Variants in BTBD9 observed in about 807,000 individuals in gnomAD.
BTBD9 encodes BTB/POZ domain-containing protein 9.
A neutral mutation model predicts 64.3 loss-of-function variants in BTBD9; 49 were observed. That is an observed-to-expected ratio of 0.76 (90% CI 0.61 to 0.97). The LOEUF (loss-of-function observed/expected upper bound fraction) is 0.97. Ranked by LOEUF, BTBD9 falls within the 50% of genes least tolerant of loss-of-function variation. BTBD9 has a pLI of 0.00. For synonymous variants in BTBD9, 260 were observed against 274.7 expected, an observed-to-expected ratio of 0.95 and a Z score of 0.53; for missense variants, 598 against 762.1, an observed-to-expected ratio of 0.78 and a Z score of 2.53.
At chr6:38,579,572 T>C (rs937788339) in intron 5 of BTBD9, among the ~76,000 whole-genome samples, 2 of 152,210 alleles carry the variant, frequency 1.3e-5, no homozygotes, top group African/African-American at 4.8e-5. Flanking sequence ...AAACTGGAGT[T>C]CATTAAACTT....
Position 38,597,873 on chromosome 6 carries a change from G to C in BTBD9, c.185+37C>G, listed in dbSNP as rs777150042. 1.8e-5 allele frequency: 28 copies of C among 1,579,590 alleles called. No individual in the cohort carries two copies. The African/African-American group carries it at 3.7e-4, about 21-fold the overall frequency. ...CAGAAAATACCAGTGTTTTCTACAAGTGAACTAAATTTTCAAAAAAAGTAT... is the reference window on the plus strand; with the variant it reads ...CAGAAAATACCAGTGTTTTCTACAACTGAACTAAATTTTCAAAAAAAGTAT... On this transcript the variant is annotated intron_variant, in intron 2 of 10. Transcript: ENST00000481247.
intron 9 of BTBD9, among the ~76,000 whole-genome samples, chr6:38,254,233 T>A (rs1764498997): frequency 6.6e-6 from 1 of 151,746 alleles, no homozygotes; most frequent in Admixed American, 6.6e-5. Flanking sequence ...ACACACTGAC[T>A]GTCCCATGAC....
chr6:38,389,690 A>G (rs768174223), intron 6 of BTBD9, among the ~76,000 whole-genome samples: 1 of 152,248 alleles, frequency 6.6e-6, no homozygotes, highest in Non-Finnish European at 1.5e-5. Context: ...CAAGAAGACT[A>G]GCTTACGTGA....
intron 6 of BTBD9, among the ~76,000 whole-genome samples, chr6:38,382,081 C>T (rs1765958488): frequency 6.6e-6 from 1 of 152,068 alleles, no homozygotes; most frequent in East Asian, 1.9e-4. Flanking sequence ...AATTATGGAA[C>T]CTAATTAAAA....
chr6:38,290,527 C>A (rs1646693182), intron 7 of BTBD9, among the ~76,000 whole-genome samples: 1 of 152,054 alleles, frequency 6.6e-6, no homozygotes, highest in African/African-American at 2.4e-5. Context: ...CTTAACATAG[C>A]ACACATTTAT....
In BTBD9 at chr6:38,288,144, C is replaced by T. The variant is rs190458073; in HGVS notation, c.1454+128G>A. 738 of 1,031,926 alleles carry T rather than the reference C, an allele frequency of 7.2e-4. 6 individuals are homozygous for T. The African/African-American group carries it at 0.011, about 15-fold the overall frequency. The allele number at this position is 1,031,926 out of a possible 1,614,324, so 63.9% of individuals were successfully genotyped here. A position where few individuals can be genotyped will look rare whatever the true frequency, so the allele number is the denominator to read the frequency against. Reference sequence around the variant, plus strand: ...CCCTTCCTTCGGCTCCCACTCCTTTCTTGATACTTAGAGCAAAGAACAGTA... The same window carrying T: ...CCCTTCCTTCGGCTCCCACTCCTTTTTTGATACTTAGAGCAAAGAACAGTA... On this transcript the variant is annotated intron_variant, in intron 8 of 10. Transcript: ENST00000481247.
intron 9 of BTBD9, among the ~76,000 whole-genome samples, chr6:38,248,417 G>C (rs1167661833): frequency 1.3e-5 from 2 of 152,140 alleles, no homozygotes. Flanking sequence ...TGTTTGCGAG[G>C]GGCACAGTTT....
At chr6:38,585,125 C>A (rs1224587099) in intron 4 of BTBD9, among the ~76,000 whole-genome samples, 2 of 152,024 alleles carry the variant, frequency 1.3e-5, no homozygotes, top group Admixed American at 1.3e-4. Flanking sequence ...CCGAGCTCAC[C>A]ATCTCAGGAG....
intron 6 of BTBD9, among the ~76,000 whole-genome samples, chr6:38,375,935 G>GAAAT (rs1476323415): frequency 1.0e-5 from 1 of 98,464 alleles, no homozygotes; most frequent in African/African-American, 4.8e-5. Flanking sequence ...AAGAAAGAAA[G>GAAAT]AAAGAAGGAA....
At chr6:38,589,298 C>T (rs537533470) in intron 4 of BTBD9, among the ~76,000 whole-genome samples, 1 of 152,256 alleles carries the variant, frequency 6.6e-6, no homozygotes, top group South Asian at 2.1e-4. Context: ...TTGATCAATT[C>T]CAAACTACCA....
At chr6:38,179,444 C>G (rs1202196013) in intron 10 of BTBD9, 1 of 456,642 alleles carries the variant, frequency 2.2e-6, no homozygotes, top group Non-Finnish European at 4.4e-6. Flanking sequence ...TGCGGTGCTA[C>G]AGAAGGTGGC....
intron 6 of BTBD9, among the ~76,000 whole-genome samples, chr6:38,543,686 G>A (rs747396244): frequency 3.9e-5 from 6 of 152,212 alleles, no homozygotes; most frequent in African/African-American, 1.4e-4. Flanking sequence ...CGCCGGGCGC[G>A]GTGGCTCACG....
In BTBD9 at chr6:38,592,818, A is replaced by G. The variant is rs1334623846; in HGVS notation, c.572T>C (p.Leu191Ser). ...TTCGGGAGCTGCAAATGAGTCTCTT[A>G]ACACGATGTTTAAAAGTGCTGTCTG... is the stretch of plus-strand genomic sequence containing the variant. The part of the protein sequence containing the change: ...LSKTALLNIV[L>S]RDSFAAPEKD... The change falls in exon 4 of 11, where the codon TTA (leucine) becomes TCA (serine). Residue 191 changes from leucine (L) to serine (S), a missense_variant. Leu to Ser is a moderately radical substitution (Grantham distance 145). Coordinates refer to ENST00000481247, the MANE Select transcript of BTBD9 (RefSeq NM_001099272.2). 3 of 1,614,166 alleles carry G rather than the reference A, an allele frequency of 1.9e-6. No individual in the cohort carries two copies. Among genetic ancestry groups the G allele is most frequent in the South Asian group, 2.2e-5 (2 of 91,066 alleles).
intron 6 of BTBD9, among the ~76,000 whole-genome samples, chr6:38,350,545 T>C (rs987311480): frequency 6.6e-6 from 1 of 152,244 alleles, no homozygotes; most frequent in African/African-American, 2.4e-5. Flanking sequence ...GTAAGAAATA[T>C]TTAAATGAGC....
At chr6:38,612,519 T>C (rs1471080878) in intron 1 of BTBD9, among the ~76,000 whole-genome samples, 1 of 152,226 alleles carries the variant, frequency 6.6e-6, no homozygotes, top group Non-Finnish European at 1.5e-5. Flanking sequence ...ACAAATTATA[T>C]ATAAGCCTTT....
chr6:38,530,503 G>GACACCAGAGACCAATCCTGGAGAGACAGA (rs1582585732), intron 6 of BTBD9, among the ~76,000 whole-genome samples: 12 of 143,582 alleles, frequency 8.4e-5, no homozygotes, highest in Admixed American at 1.4e-4. Flanking sequence ...CACTTCTGGT[G>GACACCAGAGACCAATCCTGGAGAGACAGA]GCCCAACTGT....
At chr6:38,465,118 C>G (rs900207973) in intron 6 of BTBD9, among the ~76,000 whole-genome samples, 5 of 151,000 alleles carry the variant, frequency 3.3e-5, no homozygotes, top group African/African-American at 1.2e-4. Flanking sequence ...ATAGTGAGAC[C>G]TCATCTCTGC....
In BTBD9 at chr6:38,173,042, T is replaced by C. The variant is rs1168640811; in HGVS notation, c.*1943A>G. The stretch of plus-strand genomic sequence containing the variant: ...AGGGCCTCTGGGCAGGTGATGCCCA[T>C]GTTTAAAAAGAAGCATGTGAATGGC... On this transcript the variant is annotated 3_prime_UTR_variant, in exon 11 of 11. Coordinates refer to ENST00000481247, the MANE Select transcript of BTBD9 (RefSeq NM_001099272.2). 2.6e-5 allele frequency: 4 copies of C among 152,280 alleles called. No individual in the cohort carries two copies. Among genetic ancestry groups the C allele is most frequent in the South Asian group, 2.1e-4 (1 of 4,836 alleles). 9.4% of individuals were successfully genotyped at this position (152,280 alleles called of 1,614,324 possible). A position where few individuals can be genotyped will look rare whatever the true frequency, so the allele number is the denominator to read the frequency against.
chr6:38,328,246 G>T (rs964298422), intron 7 of BTBD9, among the ~76,000 whole-genome samples: 1 of 152,154 alleles, frequency 6.6e-6, no homozygotes, highest in Non-Finnish European at 1.5e-5. Context: ...GGACTGAACT[G>T]TGTCCTCCCA....
Sources: gnomAD v4.1 joint callset for allele counts (sites outside exome capture counted in the v4.1 genomes callset) on GRCh38, gnomAD v4.1.1 for gene constraint, MANE v1.5 for transcripts, NCBI Gene and HGNC (gene_info 2026-07-23, HGNC 2026-07-21) for gene names.